The following STAM variants were observed in gnomAD, a reference collection of about 807,000 sequenced individuals.
STAM encodes the protein signal transducing adapter molecule 1.
In STAM, 16 loss-of-function variants were observed where a neutral mutation model predicts 63.4. The ratio of observed to expected loss-of-function variants is 0.25; its 90% CI spans 0.17 to 0.38. STAM has a LOEUF of 0.38. Among genes scored for constraint, STAM ranks in the 10% least tolerant of loss-of-function variants. STAM has a pLI of 1.00. For synonymous variants in STAM, 238 were observed against 223.9 expected (o/e 1.06, Z -0.56); for missense variants, 636 against 657.1 (o/e 0.97, Z 0.35).
At chr10:17,648,303 C>G (rs1554821136) in intron 1 of STAM, among the ~76,000 whole-genome samples, 1 of 152,140 alleles carries the variant, frequency 6.6e-6, no homozygotes, top group African/African-American at 2.4e-5. Context: ...TTGTAAAATG[C>G]ACCAATCAGT....
intron 13 of STAM, 56 bp from the exon 14 acceptor site, chr10:17,714,487 T>G: frequency 6.7e-7 from 1 of 1,492,186 alleles, no homozygotes; most frequent in South Asian, 1.1e-5. Flanking sequence ...TCCATTTATC[T>G]GTAGTTGCTC....
chr10:17,656,990 T>G (rs1437200499), intron 1 of STAM, among the ~76,000 whole-genome samples: 2 of 152,154 alleles, frequency 1.3e-5, no homozygotes, highest in Non-Finnish European at 2.9e-5. Flanking sequence ...AGTGCCCTCC[T>G]TATACTTGGG....
intron 5 of STAM, among the ~76,000 whole-genome samples, chr10:17,690,936 A>G (rs1431596801): frequency 2.0e-5 from 3 of 152,218 alleles, no homozygotes; most frequent in Non-Finnish European, 4.4e-5. Context: ...GCAGTTCAGA[A>G]ACATGCGGCT....
rs535934000 is a variant in STAM, at chr10:17,700,813, C to T, written c.912+534C>T. On this transcript the variant is annotated intron_variant, in intron 9 of 13. Coordinates refer to ENST00000377524, the MANE Select transcript of STAM (RefSeq NM_003473.4). The stretch of plus-strand genomic sequence containing the variant: ...TTTGCACATGACTGAGGAAGGGACA[C>T]TCATTGACTATCTATTGAAACAAAT... Among the ~76,000 whole-genome samples the T allele has an allele frequency of 6.4e-4, 97 of 152,248 alleles. No individual in the cohort carries two copies. The South Asian group carries it at 0.019, about 31-fold the overall frequency.
At chr10:17,668,711 A>G (rs992860855) in intron 2 of STAM, among the ~76,000 whole-genome samples, 1 of 152,200 alleles carries the variant, frequency 6.6e-6, no homozygotes, top group African/African-American at 2.4e-5. Flanking sequence ...TTGGGATCGT[A>G]GACTATATAG....
In STAM at chr10:17,693,405, A is replaced by G. The variant is rs1835627408; in HGVS notation, c.535+93A>G. ...GTAAAATAAATAGAACTTTATAGCA[A>G]AAAGCTGAAATCTGCTTTGTTGCCC... On this transcript the variant is annotated intron_variant, in intron 6 of 13. Transcript: ENST00000377524. 3.8e-6 allele frequency: 4 copies of G among 1,065,622 alleles called. No individual in the cohort carries two copies. In the South Asian group the frequency reaches 5.0e-5, roughly 13 times the overall value. The allele number at this position is 1,065,622 out of a possible 1,614,324, so 66.0% of individuals were successfully genotyped here. A position where few individuals can be genotyped will look rare whatever the true frequency, so the allele number is the denominator to read the frequency against.
intron 8 of STAM, among the ~76,000 whole-genome samples, chr10:17,699,114 A>T (rs534497700): frequency 3.3e-4 from 50 of 152,326 alleles, no homozygotes; most frequent in African/African-American, 1.1e-3. Context: ...TTTCAGTAGT[A>T]TGGGCTAGTA....
intron 2 of STAM, among the ~76,000 whole-genome samples, chr10:17,668,515 T>C (rs1589046609): frequency 6.6e-6 from 1 of 152,224 alleles, no homozygotes; most frequent in East Asian, 1.9e-4. Context: ...ACAGTGTATA[T>C]AATGACATGT....
At chr10:17,686,259 A>T (rs1042736186) in intron 4 of STAM, among the ~76,000 whole-genome samples, 1 of 152,146 alleles carries the variant, frequency 6.6e-6, no homozygotes, top group Non-Finnish European at 1.5e-5. Flanking sequence ...ATACTTACCT[A>T]TGTATAATAG....
chr10:17,657,979 A>G (rs1211836675), intron 1 of STAM, among the ~76,000 whole-genome samples: 1 of 150,692 alleles, frequency 6.6e-6, no homozygotes, highest in Non-Finnish European at 1.5e-5. Flanking sequence ...TTTCTGCTCT[A>G]ATTTTTGTTG....
chr10:17,644,476 G>C, intron 1 of STAM, 97 bp downstream of exon 1: 1 of 1,458,758 alleles, frequency 6.9e-7, no homozygotes, highest in East Asian at 2.4e-5. Flanking sequence ...CCAGGGCCAA[G>C]GAAGAGCTCG....
chr10:17,714,559 G>A lies in STAM; in HGVS notation c.1402G>A (p.Val468Ile), dbSNP rs781806131. 3 of 1,613,924 alleles carry A rather than the reference G, an allele frequency of 1.9e-6. No individual in the cohort carries two copies. The highest frequency in any genetic ancestry group is 2.2e-5 in the East Asian group (1 of 44,894). Residue 468 changes from valine (V) to isoleucine (I), a missense_variant, in exon 14 of 14, where the codon GTT (valine) becomes ATT (isoleucine). Physicochemically the swap from Val to Ile is conservative, Grantham distance 29. Coordinates refer to ENST00000377524, the MANE Select transcript of STAM (RefSeq NM_003473.4). ...AAYPNTMVSS[V>I]QGNTYPSQAP... Reference sequence around the variant, plus strand: ...CCTCCACAGTACAATGGTCAGTTCCGTTCAAGGAAACACATATCCCAGCCA... The same window carrying A: ...CCTCCACAGTACAATGGTCAGTTCCATTCAAGGAAACACATATCCCAGCCA...
At chr10:17,655,069 C>T (rs546005211) in intron 1 of STAM, among the ~76,000 whole-genome samples, 3 of 152,138 alleles carry the variant, frequency 2.0e-5, no homozygotes, top group African/African-American at 7.2e-5. Flanking sequence ...TCGGGAAGCC[C>T]TTCCTGATTC....
At chr10:17,679,149 C>T (rs559689370) in intron 2 of STAM, among the ~76,000 whole-genome samples, 2 of 152,290 alleles carry the variant, frequency 1.3e-5, no homozygotes, top group African/African-American at 4.8e-5. Context: ...CCACACTTTT[C>T]ACAGTAGCTA....
intron 8 of STAM, 33 bp from the exon 9 acceptor site, chr10:17,700,158 A>T: frequency 6.6e-7 from 1 of 1,522,080 alleles, no homozygotes; most frequent in Admixed American, 1.9e-5. Flanking sequence ...TAAATGTATT[A>T]TTAAAAAAAG....
At chr10:17,682,171 G>A (rs1433447937) in intron 2 of STAM, among the ~76,000 whole-genome samples, 1 of 152,106 alleles carries the variant, frequency 6.6e-6, no homozygotes, top group Non-Finnish European at 1.5e-5. Context: ...CCTTATGCAA[G>A]TACTAATATG....
At chr10:17,666,032 A>G (rs1554823345) in intron 2 of STAM, among the ~76,000 whole-genome samples, 2 of 152,144 alleles carry the variant, frequency 1.3e-5, no homozygotes, top group Non-Finnish European at 2.9e-5. Flanking sequence ...TAATTTTTCT[A>G]TGTTAGTGTT....
chr10:17,704,137 G>C (rs11254738), intron 9 of STAM, among the ~76,000 whole-genome samples: 1 of 152,120 alleles, frequency 6.6e-6, no homozygotes, highest in Non-Finnish European at 1.5e-5. Flanking sequence ...CTGTTGTCCA[G>C]ACTGAAGTGC....
At chr10:17,677,537 G>A (rs1473113260) in intron 2 of STAM, among the ~76,000 whole-genome samples, 1 of 152,134 alleles carries the variant, frequency 6.6e-6, no homozygotes, top group African/African-American at 2.4e-5. Flanking sequence ...TGGGGTCACG[G>A]ACCCTGGCTC....
Sources: allele counts gnomAD v4.1 joint callset (sites outside exome capture counted in the v4.1 genomes callset), GRCh38; gene constraint gnomAD v4.1.1; transcripts MANE v1.5; gene names NCBI Gene and HGNC (gene_info 2026-07-23, HGNC 2026-07-21).